Variants in AHCYL2 observed in about 807,000 individuals in gnomAD.
AHCYL2 encodes the protein S-adenosylhomocysteine hydrolase-like protein 2.
Under a neutral mutation model 81.4 loss-of-function variants are expected in AHCYL2, and 28 were observed. That is an observed-to-expected ratio of 0.34 (90% CI 0.25 to 0.47). AHCYL2 has a LOEUF of 0.47. Ranked by LOEUF, AHCYL2 falls within the 20% of genes least tolerant of loss-of-function variation. The pLI is 1.00. For missense variants in AHCYL2, 551 were observed against 785.1 expected (o/e 0.70, Z 3.56); for synonymous variants, 272 against 290.2 (o/e 0.94, Z 0.64).
At chr7:129,287,850 C>T (rs547822852) in intron 1 of AHCYL2, among the ~76,000 whole-genome samples, 1 of 152,156 alleles carries the variant, frequency 6.6e-6, no homozygotes, top group African/African-American at 2.4e-5. Flanking sequence ...ATCATGTACT[C>T]CATTACTCAC....
intron 1 of AHCYL2, among the ~76,000 whole-genome samples, chr7:129,300,873 C>T (rs577494572): frequency 3.9e-5 from 6 of 152,260 alleles, no homozygotes; most frequent in South Asian, 2.1e-4. Context: ...CTCACTCTGT[C>T]GCCCAGGCTG....
chr7:129,424,719 A>G (rs922875059), intron 13 of AHCYL2, 155 bp from the exon 14 acceptor site: 17 of 678,280 alleles, frequency 2.5e-5, no homozygotes, highest in Non-Finnish European at 7.7e-6. Context: ...TTTAAATGTC[A>G]GTCAGTTAGT....
At chr7:129,242,611 G>A (rs1467269251) in intron 1 of AHCYL2, among the ~76,000 whole-genome samples, 2 of 151,952 alleles carry the variant, frequency 1.3e-5, no homozygotes, top group African/African-American at 2.4e-5. Flanking sequence ...TAGCTACTCC[G>A]GAGGCTGATG....
intron 4 of AHCYL2, among the ~76,000 whole-genome samples, chr7:129,395,960 C>G (rs1157176959): frequency 6.6e-6 from 1 of 152,180 alleles, no homozygotes; most frequent in Admixed American, 6.5e-5. Flanking sequence ...AAACAGTCTT[C>G]CCTCTCTCTT....
At chr7:129,365,359 AT>A (rs1259788819) in intron 1 of AHCYL2, among the ~76,000 whole-genome samples, 1 of 152,200 alleles carries the variant, frequency 6.6e-6, no homozygotes, top group African/African-American at 2.4e-5. Flanking sequence ...ACACAGCATG[AT>A]AATAACATAA....
chr7:129,267,310 G>T (rs912814700), intron 1 of AHCYL2, among the ~76,000 whole-genome samples: 1 of 149,584 alleles, frequency 6.7e-6, no homozygotes, highest in East Asian at 2.0e-4. Flanking sequence ...GCCTTATTAG[G>T]TATTTTTTTT....
At chr7:129,290,937 A>AC (rs1232813519) in intron 1 of AHCYL2, among the ~76,000 whole-genome samples, 1 of 151,950 alleles carries the variant, frequency 6.6e-6, no homozygotes, top group African/African-American at 2.4e-5. Flanking sequence ...CTCAAAAAAA[A>AC]AAAACAAAAC....
chr7:129,368,151 A>G lies in AHCYL2; in HGVS notation c.364-11487A>G. The G allele has an allele frequency of 2.8e-6, 3 of 1,067,118 alleles. No individual in the cohort carries two copies. Among genetic ancestry groups the G allele is most frequent in the Non-Finnish European group, 3.4e-6 (3 of 881,990 alleles). 66.1% of individuals were successfully genotyped at this position (1,067,118 alleles called of 1,614,324 possible). Reference sequence around the variant, plus strand: ...GAAGGAAGTCCAACTATTGCTGCAGAAAGTCCCCACTGGGGAGGTGCGGGT... The same window carrying G: ...GAAGGAAGTCCAACTATTGCTGCAGGAAGTCCCCACTGGGGAGGTGCGGGT... On this transcript the variant is annotated intron_variant, in intron 1 of 16. Coordinates refer to ENST00000325006, the MANE Select transcript of AHCYL2 (RefSeq NM_015328.4). The surrounding 1 kb of genome is among the most constrained non-coding windows in gnomAD (Gnocchi z 4.4).
chr7:129,330,573 C>A (rs1473429313), intron 1 of AHCYL2, among the ~76,000 whole-genome samples: 1 of 151,472 alleles, frequency 6.6e-6, no homozygotes. Flanking sequence ...TGGGTTCACG[C>A]CATTCTCCTG....
At chr7:129,385,489 T>G (rs888189754) in intron 2 of AHCYL2, among the ~76,000 whole-genome samples, 7 of 152,250 alleles carry the variant, frequency 4.6e-5, no homozygotes, top group Admixed American at 3.3e-4. Context: ...TGTGGATTCT[T>G]GATTCATCAT....
intron 12 of AHCYL2, among the ~76,000 whole-genome samples, chr7:129,416,806 T>TA (rs1331230745): frequency 4.5e-4 from 66 of 147,116 alleles, no homozygotes; most frequent in African/African-American, 1.5e-3. Flanking sequence ...ATCTCAAAAA[T>TA]AAAAAAAAGA....
intron 1 of AHCYL2, among the ~76,000 whole-genome samples, chr7:129,365,723 A>ATGAAAGGTT (rs1794091181): frequency 6.6e-6 from 1 of 150,718 alleles, no homozygotes; most frequent in South Asian, 2.1e-4. Flanking sequence ...AAAGGGATAG[A>ATGAAAGGTT]TGAAAGGTTT....
chr7:129,272,521 G>T (rs916836252), intron 1 of AHCYL2, among the ~76,000 whole-genome samples: 3 of 152,142 alleles, frequency 2.0e-5, no homozygotes, highest in African/African-American at 7.2e-5. Context: ...ATTTGGTGAG[G>T]GTTAAAGATG....
intron 1 of AHCYL2, among the ~76,000 whole-genome samples, chr7:129,322,685 G>T (rs1330484402): frequency 6.6e-6 from 1 of 152,064 alleles, no homozygotes; most frequent in Non-Finnish European, 1.5e-5. Context: ...TCTGCCTCCT[G>T]GGCTCAAGCC....
chr7:129,424,888 C>T lies in AHCYL2; in HGVS notation c.1575C>T (p.Asn525=), dbSNP rs1797288151. Residue 525 remains asparagine, a synonymous_variant, in exon 14 of 17, where the codon AAC becomes AAT. Transcript: ENST00000325006. ...TTGATCACTAGGGCCGCCTGCTGAA[C>T]CTTAGCTGCTCCACAGTGCCTACAT... ...IVLLAEGRLL[N]LSCSTVPTFV... is the part of the protein sequence containing the mutation. 1.2e-6 allele frequency: 2 copies of T among 1,613,042 alleles called. No individual in the cohort carries two copies. The highest frequency in any genetic ancestry group is 1.1e-5 in the South Asian group (1 of 91,034).
chr7:129,305,118 C>T (rs1413140594), intron 1 of AHCYL2, among the ~76,000 whole-genome samples: 2 of 152,054 alleles, frequency 1.3e-5, no homozygotes, highest in African/African-American at 4.8e-5. Flanking sequence ...TTATTTTAAA[C>T]TGATGACAAC....
intron 1 of AHCYL2, among the ~76,000 whole-genome samples, chr7:129,225,720 T>C (rs1794190322): frequency 6.6e-6 from 1 of 152,120 alleles, no homozygotes; most frequent in Non-Finnish European, 1.5e-5. Flanking sequence ...AGACACCTAA[T>C]AGTACGTCCC....
chr7:129,324,059 CGTAGATTTT>C (rs56956637), intron 1 of AHCYL2, among the ~76,000 whole-genome samples: 2 of 150,634 alleles, frequency 1.3e-5, no homozygotes, highest in African/African-American at 2.4e-5. Flanking sequence ...TTGTAGATTT[CGTAGATTTT>C]GTAGATTTTT....
At position 129,379,790 on chromosome 7, in the gene AHCYL2, T is replaced by C. The variant is rs372621431; in HGVS notation, c.475+41T>C. 2.0e-6 allele frequency: 3 copies of C among 1,524,262 alleles called. No homozygotes were observed. The African/African-American group carries it at 4.1e-5, about 21-fold the overall frequency. The allele number at this position is 1,524,262 out of a possible 1,614,324, so 94.4% of individuals were successfully genotyped here. A position where few individuals can be genotyped will look rare whatever the true frequency, so the allele number is the denominator to read the frequency against. On this transcript the variant is annotated intron_variant, in intron 2 of 16. Coordinates refer to ENST00000325006, the MANE Select transcript of AHCYL2 (RefSeq NM_015328.4). Reference sequence around the variant, plus strand: ...CTGTGGACCCAGCTGTTGAGGCTAATAAGTACGATCTCAATGGGCCCTCCT... The same window carrying C: ...CTGTGGACCCAGCTGTTGAGGCTAACAAGTACGATCTCAATGGGCCCTCCT...
Sources: gnomAD v4.1 joint callset for allele counts (sites outside exome capture counted in the v4.1 genomes callset) on GRCh38, gnomAD v4.1.1 for gene constraint, Gnocchi (gnomAD v3.1) non-coding constraint, MANE v1.5 for transcripts, NCBI Gene and HGNC (gene_info 2026-07-23, HGNC 2026-07-21) for gene names.